GLI3: variants seen among roughly 807,000 people sequenced by gnomAD.
GLI3 encodes transcription activator GLI3.
Under a neutral mutation model 100.8 loss-of-function variants are expected in GLI3, and 20 were observed. The ratio of observed to expected loss-of-function variants is 0.20; its 90% confidence interval spans 0.14 to 0.29. The LOEUF (loss-of-function observed/expected upper bound fraction) is 0.29. GLI3 is among the 10% of genes least tolerant of loss of function. GLI3 has a pLI of 1.00. For synonymous variants in GLI3, 938 were observed against 860.5 expected, an observed-to-expected ratio of 1.09 and a Z score of -1.58; for missense variants, 2,040 against 2,128.5, an observed-to-expected ratio of 0.96 and a Z score of 0.82.
At chr7:41,996,150 T>G (rs1372205581) in intron 10 of GLI3, among the ~76,000 whole-genome samples, 1 of 152,246 alleles carries the variant, frequency 6.6e-6, no homozygotes, top group Non-Finnish European at 1.5e-5. Flanking sequence ...GGTGGCTAAA[T>G]GCCTTTAAAC....
chr7:42,076,522 A>G (rs936452616), intron 4 of GLI3, among the ~76,000 whole-genome samples: 1 of 152,226 alleles, frequency 6.6e-6, no homozygotes, highest in South Asian at 2.1e-4. Context: ...TCAGCAAAAT[A>G]TATAGGAAAT....
chr7:42,033,852 T>C (rs1325416264), intron 7 of GLI3, among the ~76,000 whole-genome samples: 1 of 152,224 alleles, frequency 6.6e-6, no homozygotes, highest in Non-Finnish European at 1.5e-5. Flanking sequence ...CTATAAAAGT[T>C]TCCAGGGCAA....
At chr7:41,982,142 A>G (rs6463082) in intron 10 of GLI3, among the ~76,000 whole-genome samples, 56,334 of 152,084 alleles carry the variant, frequency 0.37, 11,389 homozygotes, top group East Asian at 0.81. Context: ...TTAAGTTCAA[A>G]CTTGCATTGA....
chr7:42,061,500 T>C (rs1784568041), intron 4 of GLI3, among the ~76,000 whole-genome samples: 1 of 152,150 alleles, frequency 6.6e-6, no homozygotes, highest in African/African-American at 2.4e-5. Context: ...GGAACTATCA[T>C]TAGTGATTCA....
At chr7:42,145,637 C>A (rs546446148) in intron 3 of GLI3, 4,255 of 361,178 alleles carry the variant, frequency 0.012, 163 homozygotes, top group African/African-American at 0.09. Context: ...AAAAAAAAAA[C>A]AGTCTACACT....
chr7:42,149,847 T>A (rs1398731608), intron 2 of GLI3, among the ~76,000 whole-genome samples: 1 of 152,260 alleles, frequency 6.6e-6, no homozygotes, highest in Non-Finnish European at 1.5e-5. Context: ...TTCATAACTT[T>A]GTTCAAATTC....
At chr7:42,055,079 G>A (rs530477810) in intron 4 of GLI3, among the ~76,000 whole-genome samples, 1 of 136,360 alleles carries the variant, frequency 7.3e-6, no homozygotes. Flanking sequence ...ACATATATAT[G>A]TATATATACA....
At chr7:42,002,055 GACACAC>G (rs36214762) in intron 10 of GLI3, among the ~76,000 whole-genome samples, 2 of 150,374 alleles carry the variant, frequency 1.3e-5, no homozygotes, top group African/African-American at 4.9e-5. Flanking sequence ...AACATGGCAA[GACACAC>G]ACACACACAC....
chr7:42,243,765 G>A (rs888111171), intron 1 of GLI3, among the ~76,000 whole-genome samples: 4 of 152,172 alleles, frequency 2.6e-5, no homozygotes, highest in African/African-American at 9.7e-5. Context: ...GGATGCTTGA[G>A]ATGTGGAGAT....
intron 1 of GLI3, among the ~76,000 whole-genome samples, chr7:42,223,887 T>C (rs893208829): frequency 2.0e-5 from 3 of 152,244 alleles, no homozygotes; most frequent in Non-Finnish European, 4.4e-5. Context: ...TGGTAAGCTA[T>C]ACTCTTTAAC....
At chr7:42,042,942 A>C (rs1279472318) in intron 6 of GLI3, among the ~76,000 whole-genome samples, 1 of 152,220 alleles carries the variant, frequency 6.6e-6, no homozygotes, top group African/African-American at 2.4e-5. Context: ...GACCATAAAC[A>C]GACTAGTTTA....
intron 1 of GLI3, among the ~76,000 whole-genome samples, chr7:42,229,456 C>T (rs1050174708): frequency 1.3e-5 from 2 of 152,154 alleles, no homozygotes. Flanking sequence ...ACTATTACTC[C>T]AGTGGAAGAA....
chr7:42,113,479 CA>C, intron 3 of GLI3: 1 of 793,726 alleles, frequency 1.3e-6, no homozygotes, highest in African/African-American at 1.7e-5. Context: ...AAAGCCAGAG[CA>C]AGCCTAAAAA....
At chr7:41,994,287 G>A (rs1438503421) in intron 10 of GLI3, among the ~76,000 whole-genome samples, 1 of 152,164 alleles carries the variant, frequency 6.6e-6, no homozygotes, top group Non-Finnish European at 1.5e-5. Context: ...TCTTCCCAAT[G>A]CAATGCTGTC....
intron 1 of GLI3, among the ~76,000 whole-genome samples, chr7:42,258,407 T>A (rs1336714951): frequency 6.6e-6 from 1 of 152,220 alleles, no homozygotes; most frequent in Non-Finnish European, 1.5e-5. Context: ...CTGTCTAATC[T>A]TTGTATTGGC....
intron 10 of GLI3, among the ~76,000 whole-genome samples, chr7:41,989,936 G>A (rs1028934446): frequency 9.3e-5 from 13 of 139,274 alleles, no homozygotes; most frequent in Admixed American, 9.0e-4. Flanking sequence ...GTAGTGAGCT[G>A]AGATTGCACC....
At chr7:41,971,194 T>A (rs1307120860) in intron 13 of GLI3, among the ~76,000 whole-genome samples, 2 of 152,208 alleles carry the variant, frequency 1.3e-5, no homozygotes, top group African/African-American at 2.4e-5. Context: ...TACTGTGACA[T>A]CACTCATGAA....
At chr7:42,190,470 AG>A (rs1351994386) in intron 2 of GLI3, among the ~76,000 whole-genome samples, 1 of 152,202 alleles carries the variant, frequency 6.6e-6, no homozygotes, top group Non-Finnish European at 1.5e-5. Flanking sequence ...ATTAAATATA[AG>A]TGACCAGAAT....
intron 4 of GLI3, among the ~76,000 whole-genome samples, chr7:42,061,816 G>A (rs1784574399): frequency 6.6e-6 from 1 of 152,192 alleles, no homozygotes; most frequent in African/African-American, 2.4e-5. Flanking sequence ...CAACAGAAAA[G>A]CAGCATCAAC....
Sources: gnomAD v4.1 joint callset for allele counts (sites outside exome capture counted in the v4.1 genomes callset) on GRCh38, gnomAD v4.1.1 for gene constraint, MANE v1.5 for transcripts, NCBI Gene and HGNC (gene_info 2026-07-23, HGNC 2026-07-21) for gene names.